Variants in MARCHF1 observed in about 807,000 individuals in gnomAD.
MARCHF1 encodes E3 ubiquitin-protein ligase MARCHF1.
In MARCHF1, 40 loss-of-function variants were observed where a neutral mutation model predicts 54.2. That is an observed-to-expected ratio of 0.74 (90% confidence interval 0.57 to 0.96). MARCHF1 has a LOEUF of 0.96. MARCHF1 is among the 40% of genes least tolerant of loss of function. MARCHF1 has a pLI of 0.00. For missense variants in MARCHF1, 586 were observed against 656.5 expected, an observed-to-expected ratio of 0.89 and a Z score of 1.17; for synonymous variants, 236 against 236.3, an observed-to-expected ratio of 1.00 and a Z score of 0.01.
chr4:164,380,733 C>A (rs759528331), intron 1 of MARCHF1, among the ~76,000 whole-genome samples: 1 of 152,102 alleles, frequency 6.6e-6, no homozygotes. Context: ...ACACTATAAC[C>A]GTTGACTTTC....
At chr4:163,765,236 T>A (rs1263468041) in intron 4 of MARCHF1, among the ~76,000 whole-genome samples, 1 of 152,066 alleles carries the variant, frequency 6.6e-6, no homozygotes, top group African/African-American at 2.4e-5. Context: ...AGATTAAACT[T>A]AAAAGTGTGA....
intron 5 of MARCHF1, among the ~76,000 whole-genome samples, chr4:163,665,667 T>A (rs2111112851): frequency 6.6e-6 from 1 of 152,230 alleles, no homozygotes; most frequent in African/African-American, 2.4e-5. Flanking sequence ...CCTTTTGTTG[T>A]GAAATTTTGT....
intron 5 of MARCHF1, among the ~76,000 whole-genome samples, chr4:163,619,491 G>A (rs1741611574): frequency 6.6e-6 from 1 of 152,004 alleles, no homozygotes. Context: ...CAGAAATGAG[G>A]ATACTTTTAC....
At chr4:164,240,693 C>T (rs956676384) in intron 1 of MARCHF1, among the ~76,000 whole-genome samples, 2 of 152,066 alleles carry the variant, frequency 1.3e-5, no homozygotes, top group Non-Finnish European at 2.9e-5. Flanking sequence ...ACCTCACAAG[C>T]TAACTGCCCT....
intron 5 of MARCHF1, among the ~76,000 whole-genome samples, chr4:163,625,238 T>C (rs1741828187): frequency 6.6e-6 from 1 of 152,226 alleles, no homozygotes; most frequent in Admixed American, 6.5e-5. Flanking sequence ...CATTTTTCTT[T>C]AACTGCATGG....
At chr4:163,901,120 G>A (rs776423291) in intron 3 of MARCHF1, among the ~76,000 whole-genome samples, 10 of 152,272 alleles carry the variant, frequency 6.6e-5, no homozygotes, top group Non-Finnish European at 1.5e-4. Flanking sequence ...AAGCACTAGA[G>A]TAGTAAAGAG....
At chr4:164,364,013 C>T (rs1200283034) in intron 1 of MARCHF1, among the ~76,000 whole-genome samples, 6 of 151,814 alleles carry the variant, frequency 4.0e-5, no homozygotes, top group Admixed American at 6.6e-5. Flanking sequence ...AATTTTTTGT[C>T]GTCCATTATT....
intron 4 of MARCHF1, among the ~76,000 whole-genome samples, chr4:163,733,725 A>C (rs1272867832): frequency 6.6e-6 from 1 of 152,150 alleles, no homozygotes; most frequent in Non-Finnish European, 1.5e-5. Flanking sequence ...TCTAAAAGAA[A>C]ACATAGAAGA....
At chr4:164,234,983 G>T (rs1579645314) in intron 1 of MARCHF1, 1 of 151,992 alleles carries the variant, frequency 6.6e-6, no homozygotes, top group Admixed American at 6.6e-5. Context: ...TCAGGCTAAG[G>T]TATCCATACT....
chr4:164,232,251 C>G (rs769393241), intron 1 of MARCHF1, among the ~76,000 whole-genome samples: 2 of 152,078 alleles, frequency 1.3e-5, no homozygotes, highest in African/African-American at 4.8e-5. Flanking sequence ...AAGGTTAATA[C>G]AGTTATCACA....
At chr4:163,887,669 G>A (rs1750569884) in intron 3 of MARCHF1, among the ~76,000 whole-genome samples, 1 of 151,308 alleles carries the variant, frequency 6.6e-6, no homozygotes, top group African/African-American at 2.4e-5. Flanking sequence ...GTATTCCAAG[G>A]TCTGTAGAAA....
At chr4:163,635,632 C>T (rs1056034529) in intron 5 of MARCHF1, among the ~76,000 whole-genome samples, 2 of 149,682 alleles carry the variant, frequency 1.3e-5, no homozygotes, top group Non-Finnish European at 3.0e-5. Context: ...AGTCCAGGAC[C>T]AGATGGATTC....
intron 1 of MARCHF1, among the ~76,000 whole-genome samples, chr4:164,220,520 A>C (rs967850018): frequency 3.1e-4 from 45 of 145,766 alleles, no homozygotes; most frequent in African/African-American, 8.2e-4. Flanking sequence ...TATATATGTA[A>C]TATATATGAT....
chr4:164,325,333 T>TTA (rs58385154), intron 1 of MARCHF1, among the ~76,000 whole-genome samples: 14,589 of 138,272 alleles, frequency 0.11, 1,095 homozygotes, highest in African/African-American at 0.21. Context: ...TAGACAGAAA[T>TTA]TATATATATA....
intron 5 of MARCHF1, among the ~76,000 whole-genome samples, chr4:163,684,735 A>G (rs1744215211): frequency 6.6e-6 from 1 of 152,142 alleles, no homozygotes; most frequent in African/African-American, 2.4e-5. Context: ...CCTCCAATCT[A>G]TCCTATATAT....
At chr4:163,954,166 A>G (rs1013760831) in intron 3 of MARCHF1, among the ~76,000 whole-genome samples, 1 of 152,200 alleles carries the variant, frequency 6.6e-6, no homozygotes, top group Non-Finnish European at 1.5e-5. Flanking sequence ...TCTTTCACTT[A>G]TTAAAATTTC....
At chr4:163,530,108 A>G (rs2110858342) in intron 9 of MARCHF1, 1 of 152,110 alleles carries the variant, frequency 6.6e-6, no homozygotes, top group South Asian at 2.1e-4. Flanking sequence ...ATTTTGTAGT[A>G]GTGACATTTG....
chr4:163,739,646 G>A (rs753196447), intron 4 of MARCHF1, among the ~76,000 whole-genome samples: 23 of 152,036 alleles, frequency 1.5e-4, no homozygotes, highest in Non-Finnish European at 2.6e-4. Flanking sequence ...TGTGAAATTC[G>A]TTAACATGAC....
At chr4:164,290,959 A>T (rs1734269953) in intron 1 of MARCHF1, among the ~76,000 whole-genome samples, 1 of 151,942 alleles carries the variant, frequency 6.6e-6, no homozygotes, top group East Asian at 1.9e-4. Context: ...TTAATTTTTT[A>T]ACTTTTCTTA....
Sources: gnomAD v4.1 joint callset for allele counts (sites outside exome capture counted in the v4.1 genomes callset) on GRCh38, gnomAD v4.1.1 for gene constraint, MANE v1.5 for transcripts, NCBI Gene and HGNC (gene_info 2026-07-23, HGNC 2026-07-21) for gene names.